Variants in MFNG observed in about 807,000 individuals in gnomAD.
MFNG encodes MFNG O-fucosylpeptide 3-beta-N-acetylglucosaminyltransferase, also known as beta-1,3-N-acetylglucosaminyltransferase manic fringe.
Under a neutral mutation model 34.2 loss-of-function variants are expected in MFNG, and 24 were observed. The ratio of observed to expected loss-of-function variants is 0.70; its 90% CI spans 0.51 to 0.99. The LOEUF is 0.99. MFNG is among the 50% of genes least tolerant of loss of function. The pLI, the probability that MFNG is intolerant of heterozygous loss-of-function variation, is 0.00. For missense variants in MFNG, 383 were observed against 424.0 expected, an observed-to-expected ratio of 0.90 and a Z score of 0.85; for synonymous variants, 158 against 179.2, an observed-to-expected ratio of 0.88 and a Z score of 0.94.
At chr22:37,479,769 C>T (rs1036832638) in intron 3 of MFNG, among the ~76,000 whole-genome samples, 4 of 152,028 alleles carry the variant, frequency 2.6e-5, no homozygotes, top group East Asian at 1.9e-4. Flanking sequence ...TTTAGGAGGC[C>T]GAGGCAGGTG....
chr22:37,475,838 G>A (rs921601652), intron 5 of MFNG, among the ~76,000 whole-genome samples: 1 of 152,208 alleles, frequency 6.6e-6, no homozygotes, highest in Non-Finnish European at 1.5e-5. Flanking sequence ...CCAGGCACAC[G>A]GATGACCCTG....
At chr22:37,472,406 C>T in intron 7 of MFNG, 37 bp downstream of exon 7, 3 of 1,491,304 alleles carry the variant, frequency 2.0e-6, no homozygotes, top group Non-Finnish European at 2.7e-6. Context: ...ACTCAGCCCC[C>T]ACTCCTCCCA....
chr22:37,472,413 C>T (rs774379680), intron 7 of MFNG, 30 bp downstream of exon 7: 2 of 1,527,642 alleles, frequency 1.3e-6, no homozygotes, highest in Admixed American at 4.2e-5. Flanking sequence ...CCCCACTCCT[C>T]CCATCCAAGG....
chr22:37,476,991 A>C lies in MFNG; in HGVS notation c.562-10T>G. 1 of 1,613,174 alleles carries C rather than the reference A, an allele frequency of 6.2e-7. No individual in the cohort carries two copies. The highest frequency in any genetic ancestry group is 1.1e-5 in the South Asian group (1 of 91,050). On this transcript the variant is annotated splice_polypyrimidine_tract_variant and intron_variant, in intron 4 of 7. Transcript: ENST00000356998. ...AGAACTGTACCAGCCTCTGAGAGAGAGGAAGGCCAAGGGGCAGAGTGAGCC... is the reference window on the plus strand; with the variant it reads ...AGAACTGTACCAGCCTCTGAGAGAGCGGAAGGCCAAGGGGCAGAGTGAGCC...
At position 37,486,301 on chromosome 22, in the gene MFNG, G is replaced by C; in HGVS notation, c.-124C>G. 1.7e-6 allele frequency: 2 copies of C among 1,160,262 alleles called. No homozygotes were observed. Among genetic ancestry groups the C allele is most frequent in the Non-Finnish European group, 2.3e-6 (2 of 860,352 alleles). 71.9% of individuals were successfully genotyped at this position (1,160,262 alleles called of 1,614,324 possible). On this transcript the variant is annotated 5_prime_UTR_variant, in exon 1 of 8. Coordinates refer to ENST00000356998, the MANE Select transcript of MFNG (RefSeq NM_002405.4). ...GGCAGGCATCAGGGGCTGGCAAGGAGGGAAGAGGTAGGAGCTGAGGCTCTG... is the reference window on the plus strand; with the variant it reads ...GGCAGGCATCAGGGGCTGGCAAGGACGGAAGAGGTAGGAGCTGAGGCTCTG...
At chr22:37,479,591 G>A (rs929786036) in intron 3 of MFNG, 93 bp from the exon 4 acceptor site, 2 of 1,499,558 alleles carry the variant, frequency 1.3e-6, no homozygotes, top group African/African-American at 1.4e-5. Flanking sequence ...GTGACGGAAT[G>A]GGGGTAGGGG....
At position 37,469,852 on chromosome 22, in the gene MFNG, C is replaced by T; in HGVS notation, c.*111G>A. The T allele has an allele frequency of 1.1e-6, 1 of 904,696 alleles. No homozygotes were observed. Among genetic ancestry groups the T allele is most frequent in the Non-Finnish European group, 1.8e-6 (1 of 556,716 alleles). The allele number at this position is 904,696 out of a possible 1,614,324, so 56.0% of individuals were successfully genotyped here. Reference sequence around the variant, plus strand: ...CTGGGCTTGCCAACCACCCGAAGGCCCTGCCAGGGACTGCCTATCACAAGA... The same window carrying T: ...CTGGGCTTGCCAACCACCCGAAGGCTCTGCCAGGGACTGCCTATCACAAGA... On this transcript the variant is annotated 3_prime_UTR_variant, in exon 8 of 8. Coordinates refer to ENST00000356998, the MANE Select transcript of MFNG (RefSeq NM_002405.4).
At chr22:37,470,138 A>G (rs1385598147) in intron 7 of MFNG, 109 bp from the exon 8 acceptor site, 1 of 732,038 alleles carries the variant, frequency 1.4e-6, no homozygotes, top group Non-Finnish European at 2.4e-6. Flanking sequence ...GGGTTTCTCT[A>G]CCTCAACACC....
In MFNG at chr22:37,485,331, A is replaced by G. The variant is rs1405754261; in HGVS notation, c.255+592T>C. 6.6e-6 allele frequency among the ~76,000 whole-genome samples: 1 copy of G among 152,212 alleles called. No homozygotes were observed. The highest frequency in any genetic ancestry group is 1.9e-4 in the East Asian group (1 of 5,186). Reference sequence around the variant, plus strand: ...GCAGGAAGCCAACACAGGAGGCCAGACATGGCGGCCTCGGCACACCCGGGG... The same window carrying G: ...GCAGGAAGCCAACACAGGAGGCCAGGCATGGCGGCCTCGGCACACCCGGGG... On this transcript the variant is annotated intron_variant, in intron 1 of 7. Coordinates refer to ENST00000356998, the MANE Select transcript of MFNG (RefSeq NM_002405.4). The surrounding 1 kb of genome is among the most constrained non-coding windows in gnomAD (Gnocchi z 5.3).
intron 3 of MFNG, 44 bp downstream of exon 3, chr22:37,480,153 T>A: frequency 6.6e-7 from 1 of 1,507,034 alleles, no homozygotes; most frequent in Non-Finnish European, 9.1e-7. Flanking sequence ...TTATTTTCAC[T>A]GGGCCCAGAC....
At position 37,480,298 on chromosome 22, in the gene MFNG, C is replaced by T. The variant is rs776319335; in HGVS notation, c.306G>A (p.Gly102=). Residue 102 remains glycine (G), a splice_region_variant and synonymous_variant, in exon 3 of 8, where the codon GGG becomes GGA. Coordinates refer to ENST00000356998, the MANE Select transcript of MFNG (RefSeq NM_002405.4). ...AGCAGTTGGTGACCACAAGGTGGGA[C>T]CCTGGAGAAGTGAGGAGGAGTCAGG... ...SPDKGLQERL[G]SHLVVTNCSA... is the part of the protein sequence containing the mutation. The T allele has an allele frequency of 3.1e-6, 5 of 1,613,310 alleles. No homozygotes were observed. The African/African-American group carries it at 4.0e-5, about 13-fold the overall frequency.
chr22:37,469,952 C>T lies in MFNG; in HGVS notation c.*11G>A. On this transcript the variant is annotated 3_prime_UTR_variant, in exon 8 of 8. Coordinates refer to ENST00000356998, the MANE Select transcript of MFNG (RefSeq NM_002405.4). ...AAGTCTCTGCCCAACCTTTGCCCAG[C>T]AGTTCAGGATTCATCGGGCACCCAG... is the stretch of plus-strand genomic sequence containing the variant. 1 of 1,597,430 alleles carries T rather than the reference C, an allele frequency of 6.3e-7. No individual in the cohort carries two copies.
intron 2 of MFNG, 100 bp downstream of exon 2, chr22:37,480,621 C>T (rs924545578): frequency 1.1e-5 from 13 of 1,132,506 alleles, no homozygotes; most frequent in Non-Finnish European, 1.7e-5. Flanking sequence ...CAAGGGTGGG[C>T]GGCCCATTTC....
At chr22:37,470,831 C>T (rs930381250) in intron 7 of MFNG, among the ~76,000 whole-genome samples, 8 of 152,216 alleles carry the variant, frequency 5.3e-5, no homozygotes, top group African/African-American at 1.4e-4. Flanking sequence ...CCATTCCCTC[C>T]TCTTCTCCAC....
In MFNG at chr22:37,486,114, G is replaced by A. The variant is rs778930375; in HGVS notation, c.64C>T (p.Leu22=). 21 of 1,611,684 alleles carry A rather than the reference G, an allele frequency of 1.3e-5. No homozygotes were observed. Among genetic ancestry groups the A allele is most frequent in the Admixed American group, 8.3e-5 (5 of 59,950 alleles). The change falls in exon 1 of 8, where the codon CTG becomes TTG. Residue 22 remains leucine, a synonymous_variant. Transcript: ENST00000356998. ...ALLTLLCMGL[L]CLRYHLNLSP... ...AGGTTCAAGTGGTACCGCAGACACA[G>A]GAGCCCCATGCACAGGAGGGTGAGG...
chr22:37,484,955 G>A (rs980202339), intron 1 of MFNG, among the ~76,000 whole-genome samples: 31 of 151,168 alleles, frequency 2.1e-4, no homozygotes, highest in Non-Finnish European at 4.3e-4. Flanking sequence ...TGAGCCAGCC[G>A]CCAAAGAGGG....
chr22:37,486,306 G>A lies in MFNG; in HGVS notation c.-129C>T, dbSNP rs943876865. 9.0e-7 allele frequency: 1 copy of A among 1,113,498 alleles called. No homozygotes were observed. The highest frequency in any genetic ancestry group is 1.2e-6 in the Non-Finnish European group (1 of 818,108). 69.0% of individuals were successfully genotyped at this position (1,113,498 alleles called of 1,614,324 possible). A position where few individuals can be genotyped will look rare whatever the true frequency, so the allele number is the denominator to read the frequency against. ...GCATCAGGGGCTGGCAAGGAGGGAA[G>A]AGGTAGGAGCTGAGGCTCTGGACCC... On this transcript the variant is annotated 5_prime_UTR_variant, in exon 1 of 8. Coordinates refer to ENST00000356998, the MANE Select transcript of MFNG (RefSeq NM_002405.4).
chr22:37,477,748 C>T (rs1338472274), intron 4 of MFNG, among the ~76,000 whole-genome samples: 1 of 152,194 alleles, frequency 6.6e-6, no homozygotes, highest in South Asian at 2.1e-4. Flanking sequence ...CCGCGCCCGG[C>T]CTCAGATCAC....
chr22:37,470,863 G>A (rs898496495), intron 7 of MFNG, among the ~76,000 whole-genome samples: 1 of 152,146 alleles, frequency 6.6e-6, no homozygotes, highest in East Asian at 1.9e-4. Context: ...ACAGTCTCCC[G>A]TTCCTACCTT....
Sources: allele counts gnomAD v4.1 joint callset (sites outside exome capture counted in the v4.1 genomes callset), GRCh38; gene constraint gnomAD v4.1.1; non-coding constraint Gnocchi (gnomAD v3.1); transcripts MANE v1.5; gene names NCBI Gene and HGNC (gene_info 2026-07-23, HGNC 2026-07-21).